Variants in ZNF385D observed in about 807,000 individuals in gnomAD.
ZNF385D encodes zinc finger protein 385D, also known as zinc finger protein 659.
In ZNF385D, 15 loss-of-function variants were observed where a neutral mutation model predicts 35.8. The observed-to-expected ratio is 0.42, with a 90% CI of 0.28 to 0.64. ZNF385D has a LOEUF of 0.64. ZNF385D is among the 30% of genes least tolerant of loss of function. ZNF385D has a pLI of 0.23. For missense variants in ZNF385D, 474 were observed against 494.6 expected, an observed-to-expected ratio of 0.96 and a Z score of 0.39; for synonymous variants, 212 against 186.8, an observed-to-expected ratio of 1.13 and a Z score of -1.10.
chr3:22,368,683 A>G (rs557614234), intron 2 of ZNF385D, among the ~76,000 whole-genome samples: 10 of 152,276 alleles, frequency 6.6e-5, no homozygotes, highest in African/African-American at 1.2e-4. Flanking sequence ...TCTCTTCCTC[A>G]TCTTATAAGA....
intron 3 of ZNF385D, among the ~76,000 whole-genome samples, chr3:22,120,377 C>A (rs373111788): frequency 6.6e-6 from 1 of 152,122 alleles, no homozygotes; most frequent in Non-Finnish European, 1.5e-5. Flanking sequence ...TGCATCCCTT[C>A]CTCTTCTTAT....
chr3:21,940,980 A>G lies in ZNF385D; in HGVS notation c.325+227837T>C, dbSNP rs201360988. On this transcript the variant is annotated intron_variant, in intron 3 of 5. Transcript: ENST00000494108. ...CATCAAAGGCTGAAAAACAAAGAATATTAAATCTAAAGTGTTTGAAACCGA... is the reference window on the plus strand; with the variant it reads ...CATCAAAGGCTGAAAAACAAAGAATGTTAAATCTAAAGTGTTTGAAACCGA... 9.8e-5 allele frequency among the ~76,000 whole-genome samples: 15 copies of G among 152,352 alleles called. No individual in the cohort carries two copies. In the East Asian group the frequency reaches 2.9e-3, roughly 29 times the overall value.
chr3:22,035,555 G>C (rs373876649), intron 3 of ZNF385D, among the ~76,000 whole-genome samples: 8 of 152,226 alleles, frequency 5.3e-5, no homozygotes, highest in South Asian at 2.1e-4. Flanking sequence ...CCTAAGTTCT[G>C]AGTGCTTGCT....
At chr3:21,543,964 T>G (rs924353524) in intron 3 of ZNF385D, among the ~76,000 whole-genome samples, 1 of 152,176 alleles carries the variant, frequency 6.6e-6, no homozygotes, top group Non-Finnish European at 1.5e-5. Flanking sequence ...TAGCCCTGTT[T>G]CTTAAAGGAC....
intron 1 of ZNF385D, among the ~76,000 whole-genome samples, chr3:21,679,125 G>C (rs573189533): frequency 9.2e-5 from 14 of 151,480 alleles, no homozygotes; most frequent in Admixed American, 2.0e-4. Context: ...CCAAATTCCA[G>C]TGTTTTCATG....
intron 3 of ZNF385D, among the ~76,000 whole-genome samples, chr3:21,836,140 A>T (rs1365895150): frequency 6.6e-6 from 1 of 150,520 alleles, no homozygotes; most frequent in Non-Finnish European, 1.5e-5. Flanking sequence ...AAAAAAAGTT[A>T]TTTTTAGGGC....
At chr3:21,935,585 C>A (rs559347485) in intron 3 of ZNF385D, among the ~76,000 whole-genome samples, 1 of 152,190 alleles carries the variant, frequency 6.6e-6, no homozygotes, top group East Asian at 1.9e-4. Flanking sequence ...TTTCTGTTGA[C>A]GAAAATCAAT....
Position 21,413,869 on chromosome 3 carries a change from C to T in ZNF385D, c.*7345G>A, listed in dbSNP as rs1700526371. Reference sequence around the variant, plus strand: ...ATTTTTAGATCTCAAAACTAAAGTTCAAATTGGCTCATGTTAGTAAATAGA... The same window carrying T: ...ATTTTTAGATCTCAAAACTAAAGTTTAAATTGGCTCATGTTAGTAAATAGA... On this transcript the variant is annotated 3_prime_UTR_variant, in exon 8 of 8. Coordinates refer to ENST00000281523, the MANE Select transcript of ZNF385D (RefSeq NM_024697.3). The T allele has an allele frequency of 1.3e-5, 2 of 152,042 alleles. No individual in the cohort carries two copies. Among genetic ancestry groups the T allele is most frequent in the Admixed American group, 1.3e-4 (2 of 15,264 alleles). 9.4% of individuals were successfully genotyped at this position (152,042 alleles called of 1,614,324 possible).
intron 2 of ZNF385D, among the ~76,000 whole-genome samples, chr3:22,173,885 T>C (rs1043999391): frequency 2.0e-5 from 3 of 152,072 alleles, no homozygotes; most frequent in East Asian, 1.9e-4. Context: ...TGGAACACAG[T>C]TGTAAGTCAT....
At chr3:22,184,991 ATG>A (rs1243947386) in intron 2 of ZNF385D, among the ~76,000 whole-genome samples, 2 of 152,078 alleles carry the variant, frequency 1.3e-5, no homozygotes, top group Non-Finnish European at 2.9e-5. Flanking sequence ...GTAGGTTAAA[ATG>A]TGTTTTAAAT....
intron 2 of ZNF385D, among the ~76,000 whole-genome samples, chr3:22,205,941 T>G (rs1697120876): frequency 6.6e-6 from 1 of 151,790 alleles, no homozygotes; most frequent in Admixed American, 6.6e-5. Context: ...GGACTAAACT[T>G]CCCCATCAAA....
chr3:21,795,279 A>G (rs2072099683), intron 3 of ZNF385D, among the ~76,000 whole-genome samples: 1 of 152,146 alleles, frequency 6.6e-6, no homozygotes, highest in Non-Finnish European at 1.5e-5. Flanking sequence ...GCCCCATTGG[A>G]CCTCTAATAA....
chr3:21,678,740 C>T (rs975872217), intron 1 of ZNF385D, among the ~76,000 whole-genome samples: 4 of 152,018 alleles, frequency 2.6e-5, no homozygotes, highest in East Asian at 1.9e-4. Context: ...GTAAGAAGCA[C>T]GGCTTCTGAA....
intron 3 of ZNF385D, among the ~76,000 whole-genome samples, chr3:21,872,692 T>G (rs1406094228): frequency 6.6e-6 from 1 of 152,078 alleles, no homozygotes; most frequent in Non-Finnish European, 1.5e-5. Flanking sequence ...CTGAAAGAAA[T>G]AGAGTTTGCT....
intron 3 of ZNF385D, among the ~76,000 whole-genome samples, chr3:21,883,846 C>G (rs1164977650): frequency 1.3e-5 from 2 of 152,014 alleles, no homozygotes; most frequent in East Asian, 3.9e-4. Context: ...GTAGACTGAA[C>G]TACATATCAG....
intron 1 of ZNF385D, among the ~76,000 whole-genome samples, chr3:21,731,339 T>G (rs913217034): frequency 6.6e-6 from 1 of 152,216 alleles, no homozygotes; most frequent in South Asian, 2.1e-4. Context: ...CTTTTTTTAA[T>G]AGACTATTTT....
At chr3:22,020,747 C>G (rs1245559449) in intron 3 of ZNF385D, among the ~76,000 whole-genome samples, 1 of 151,940 alleles carries the variant, frequency 6.6e-6, no homozygotes, top group Non-Finnish European at 1.5e-5. Flanking sequence ...TATAGAACTA[C>G]CATTTAATCC....
At chr3:21,503,852 G>C (rs1394898461) in intron 4 of ZNF385D, among the ~76,000 whole-genome samples, 3 of 152,102 alleles carry the variant, frequency 2.0e-5, no homozygotes, top group Non-Finnish European at 4.4e-5. Context: ...TGAATCAAGA[G>C]CAAATAAAAG....
intron 1 of ZNF385D, among the ~76,000 whole-genome samples, chr3:21,696,652 A>G (rs9882847): frequency 0.019 from 2,950 of 152,350 alleles, 86 homozygotes; most frequent in African/African-American, 0.066. Context: ...TCCATCAGAC[A>G]GTAGCTCTTT....
Sources: gnomAD v4.1 joint callset for allele counts (sites outside exome capture counted in the v4.1 genomes callset) on GRCh38, gnomAD v4.1.1 for gene constraint, MANE v1.5 for transcripts, NCBI Gene and HGNC (gene_info 2026-07-23, HGNC 2026-07-21) for gene names.